UBE2G1: variants seen among roughly 807,000 people sequenced by gnomAD.
The protein encoded by UBE2G1 is ubiquitin conjugating enzyme E2 G1, also known as ubiquitin-conjugating enzyme E2 G1.
A neutral mutation model predicts 22.7 loss-of-function variants in UBE2G1; 5 were observed. That is an observed-to-expected ratio of 0.22 (90% CI 0.12 to 0.46). UBE2G1 has a LOEUF of 0.46. Among genes scored for constraint, UBE2G1 ranks in the 20% least tolerant of loss-of-function variants. The probability of loss-of-function intolerance (pLI) is 0.99; values close to 1 mark genes in which losing one functional copy is unlikely to be tolerated. For synonymous variants in UBE2G1, 74 were observed against 67.5 expected (o/e 1.10, Z -0.47); for missense variants, 88 against 203.9 (o/e 0.43, Z 3.46).
intron 5 of UBE2G1, among the ~76,000 whole-genome samples, chr17:4,276,930 T>C (rs1968828144): frequency 6.6e-6 from 1 of 152,164 alleles, no homozygotes; most frequent in Admixed American, 6.5e-5. Context: ...CAAGCCTTTG[T>C]ACCAACCCAA....
chr17:4,349,691 A>C (rs985754606), intron 1 of UBE2G1, among the ~76,000 whole-genome samples: 1 of 151,766 alleles, frequency 6.6e-6, no homozygotes, highest in Non-Finnish European at 1.5e-5. Flanking sequence ...AAAATACAAA[A>C]AATTAGCCGG....
intron 3 of UBE2G1, among the ~76,000 whole-genome samples, chr17:4,295,002 C>T (rs1969092426): frequency 6.6e-6 from 1 of 151,622 alleles, no homozygotes; most frequent in African/African-American, 2.4e-5. Context: ...GAAGGAGAGA[C>T]GGAGGGAGGG....
At chr17:4,301,910 C>A in intron 2 of UBE2G1, 1 of 490,582 alleles carries the variant, frequency 2.0e-6, no homozygotes, top group South Asian at 1.6e-5. Context: ...TTCTGCTGGT[C>A]ACACAACCCC....
intron 1 of UBE2G1, among the ~76,000 whole-genome samples, chr17:4,317,026 C>G (rs1311011465): frequency 6.6e-6 from 1 of 151,640 alleles, no homozygotes; most frequent in Non-Finnish European, 1.5e-5. Flanking sequence ...ATCGCTTGAA[C>G]CTAGAAATTT....
chr17:4,298,890 A>T (rs1969141322), intron 2 of UBE2G1, among the ~76,000 whole-genome samples: 1 of 152,206 alleles, frequency 6.6e-6, no homozygotes, highest in Non-Finnish European at 1.5e-5. Context: ...TGAAAGGAAG[A>T]AGCATGAGGG....
intron 1 of UBE2G1, among the ~76,000 whole-genome samples, chr17:4,329,852 C>T (rs1474795068): frequency 2.0e-5 from 3 of 148,828 alleles, no homozygotes; most frequent in Middle Eastern, 3.5e-3. Context: ...TTTATAGTAA[C>T]GTCAGTAAGG....
chr17:4,294,410 C>T (rs942317451), intron 3 of UBE2G1, among the ~76,000 whole-genome samples: 11 of 117,782 alleles, frequency 9.3e-5, no homozygotes, highest in Admixed American at 3.0e-4. Flanking sequence ...AGTGAGACTC[C>T]GTCTCAAAAA....
At chr17:4,324,072 C>T (rs566674206) in intron 1 of UBE2G1, among the ~76,000 whole-genome samples, 29 of 152,294 alleles carry the variant, frequency 1.9e-4, no homozygotes, top group East Asian at 7.7e-4. Flanking sequence ...ATCTTCGCAA[C>T]GGAGAAATCT....
intron 1 of UBE2G1, among the ~76,000 whole-genome samples, chr17:4,337,319 T>TAAAAAA (rs71383549): frequency 2.9e-5 from 2 of 69,492 alleles, no homozygotes; most frequent in African/African-American, 1.4e-4. Flanking sequence ...CTAATCTGTG[T>TAAAAAA]AAAAAAAAAA....
intron 1 of UBE2G1, among the ~76,000 whole-genome samples, chr17:4,351,183 G>A (rs191289317): frequency 6.3e-4 from 93 of 148,272 alleles, no homozygotes; most frequent in Admixed American, 2.3e-3. Flanking sequence ...CGGGGGCTGG[G>A]GGGTGGGGGA....
chr17:4,352,074 A>G lies in UBE2G1; in HGVS notation c.46+14197T>C, dbSNP rs117291497. Among the ~76,000 whole-genome samples, 369 of 152,240 alleles carry G rather than the reference A, an allele frequency of 2.4e-3. 5 individuals are homozygous for G. Among genetic ancestry groups the G allele is most frequent in the Non-Finnish European group, 1.9e-3 (131 of 68,004 alleles). On this transcript the variant is annotated intron_variant, in intron 1 of 5. Coordinates refer to ENST00000396981, the MANE Select transcript of UBE2G1 (RefSeq NM_003342.5). ...GGAGTTAGAGACCAGCCTGGCCAAC[A>G]TGGTGAAACTCCGTCTTTTAAATAT...
intron 5 of UBE2G1, among the ~76,000 whole-genome samples, chr17:4,275,644 G>C (rs1230941858): frequency 6.6e-6 from 1 of 152,066 alleles, no homozygotes; most frequent in Non-Finnish European, 1.5e-5. Flanking sequence ...CTCCCAAATA[G>C]AAGCCACTTT....
chr17:4,287,511 C>T (rs968931723), intron 4 of UBE2G1, among the ~76,000 whole-genome samples: 1 of 152,140 alleles, frequency 6.6e-6, no homozygotes, highest in Non-Finnish European at 1.5e-5. Context: ...GCAGCTATCA[C>T]CCCTTCTCCC....
At chr17:4,362,793 C>T (rs929636632) in intron 1 of UBE2G1, among the ~76,000 whole-genome samples, 5 of 152,008 alleles carry the variant, frequency 3.3e-5, no homozygotes, top group Admixed American at 2.0e-4. Flanking sequence ...ACCTGGGAGG[C>T]GGAGGTTGCA....
chr17:4,293,579 C>T (rs978490634), intron 3 of UBE2G1, among the ~76,000 whole-genome samples: 2 of 152,164 alleles, frequency 1.3e-5, no homozygotes, highest in Non-Finnish European at 2.9e-5. Context: ...TATGCTTAAC[C>T]TTTTGAGGAC....
rs1424378702 is a variant in UBE2G1 at position 4,366,652 on chromosome 17, G to C, written c.-336C>G. The C allele has an allele frequency of 4.2e-6, 1 of 240,060 alleles. No individual in the cohort carries two copies. The highest frequency in any genetic ancestry group is 2.3e-5 in the African/African-American group (1 of 44,264). 14.9% of individuals were successfully genotyped at this position (240,060 alleles called of 1,614,324 possible). ...CCACTGCCTCACTGCGCGCAGGGCC[G>C]CTCGGCGCAGGCGCGCTGAGACTGC... is the stretch of plus-strand genomic sequence containing the variant. On this transcript the variant is annotated 5_prime_UTR_variant, in exon 1 of 6. Transcript: ENST00000396981.
At chr17:4,344,262 C>T (rs913945092) in intron 1 of UBE2G1, among the ~76,000 whole-genome samples, 2 of 152,112 alleles carry the variant, frequency 1.3e-5, no homozygotes. Flanking sequence ...GAAGCCCGGC[C>T]GGGCGCGGTG....
chr17:4,281,547 C>G (rs1310496189), intron 5 of UBE2G1, among the ~76,000 whole-genome samples: 1 of 152,132 alleles, frequency 6.6e-6, no homozygotes, highest in African/African-American at 2.4e-5. Context: ...CCCCACAAAT[C>G]AATAGGTCTT....
At chr17:4,296,159 T>C (rs369922721) in intron 3 of UBE2G1, among the ~76,000 whole-genome samples, 2 of 152,036 alleles carry the variant, frequency 1.3e-5, no homozygotes, top group East Asian at 3.8e-4. Flanking sequence ...GTTCTATTGA[T>C]GTTATCCCTC....
Sources: allele counts gnomAD v4.1 joint callset (sites outside exome capture counted in the v4.1 genomes callset), GRCh38; gene constraint gnomAD v4.1.1; transcripts MANE v1.5; gene names NCBI Gene and HGNC (gene_info 2026-07-23, HGNC 2026-07-21).